GRIA2: variants seen among roughly 807,000 people sequenced by gnomAD.
The protein encoded by GRIA2 is glutamate receptor 2.
Under a neutral mutation model 97.3 loss-of-function variants are expected in GRIA2, and 14 were observed. The ratio of observed to expected loss-of-function variants is 0.14; its 90% CI spans 0.10 to 0.23. The LOEUF (loss-of-function observed/expected upper bound fraction) is 0.23, where lower values mean the gene tolerates loss of function less well. Ranked by LOEUF, GRIA2 falls within the 10% of genes least tolerant of loss-of-function variation. The probability of loss-of-function intolerance (pLI) is 1.00; values close to 1 mark genes in which losing one functional copy is unlikely to be tolerated. For synonymous variants in GRIA2, 412 were observed against 387.8 expected (o/e 1.06, Z -0.73); for missense variants, 558 against 1,069.8 (o/e 0.52, Z 6.67).
intron 12 of GRIA2, among the ~76,000 whole-genome samples, chr4:157,345,689 A>T (rs755265507): frequency 6.6e-6 from 1 of 152,136 alleles, no homozygotes; most frequent in African/African-American, 2.4e-5. Flanking sequence ...CACAATTATT[A>T]ACTTGCAGAT....
intron 2 of GRIA2, among the ~76,000 whole-genome samples, chr4:157,230,490 A>C (rs1729952717): frequency 6.6e-6 from 1 of 151,960 alleles, no homozygotes; most frequent in African/African-American, 2.4e-5. Context: ...ACTCGAAATT[A>C]ATTCATTCCT....
intron 2 of GRIA2, among the ~76,000 whole-genome samples, chr4:157,225,531 G>A (rs1729703269): frequency 6.6e-6 from 1 of 151,840 alleles, no homozygotes; most frequent in African/African-American, 2.4e-5. Flanking sequence ...ACCAGGGATG[G>A]GTCCTAGGAA....
At chr4:157,327,296 T>C (rs1228357639) in intron 6 of GRIA2, among the ~76,000 whole-genome samples, 1 of 152,038 alleles carries the variant, frequency 6.6e-6, no homozygotes, top group Non-Finnish European at 1.5e-5. Context: ...AAGGAAAAAA[T>C]ATAACATTAT....
rs560233394 is a variant in GRIA2, at chr4:157,251,802, A to G, written c.229+29995A>G. Among the ~76,000 whole-genome samples the G allele has an allele frequency of 6.6e-5, 10 of 152,252 alleles. No homozygotes were observed. In the South Asian group the frequency reaches 2.1e-3, roughly 32 times the overall value. The stretch of plus-strand genomic sequence containing the variant: ...AATTCAGTAGAAAATTTGTTCATTC[A>G]GTCATTTTGAGAGTAATACAATTAG... On this transcript the variant is annotated intron_variant, in intron 2 of 15. Transcript: ENST00000264426.
chr4:157,256,233 AAT>A (rs35047857), intron 2 of GRIA2, among the ~76,000 whole-genome samples: 6,556 of 124,498 alleles, frequency 0.053, 593 homozygotes, highest in African/African-American at 0.14. Flanking sequence ...TATAATATAT[AAT>A]ATATATATAT....
At chr4:157,243,890 G>A (rs1269647533) in intron 2 of GRIA2, among the ~76,000 whole-genome samples, 1 of 151,778 alleles carries the variant, frequency 6.6e-6, no homozygotes, top group Non-Finnish European at 1.5e-5. Context: ...GACGCTCATG[G>A]AGCCTATGTT....
chr4:157,241,776 T>C (rs1730522660), intron 2 of GRIA2, among the ~76,000 whole-genome samples: 1 of 152,006 alleles, frequency 6.6e-6, no homozygotes, highest in Admixed American at 6.6e-5. Context: ...TATTAGAAAA[T>C]ACAGCTTTCA....
intron 12 of GRIA2, among the ~76,000 whole-genome samples, chr4:157,352,567 A>G (rs948673658): frequency 2.6e-5 from 4 of 151,848 alleles, no homozygotes; most frequent in Non-Finnish European, 5.9e-5. Flanking sequence ...AATACAAAAA[A>G]TAAATAGCCG....
At chr4:157,274,996 T>C (rs1455512206) in intron 2 of GRIA2, among the ~76,000 whole-genome samples, 2 of 151,310 alleles carry the variant, frequency 1.3e-5, no homozygotes, top group Non-Finnish European at 3.0e-5. Flanking sequence ...AGTGTAAAAG[T>C]GTTCCTATTT....
Position 157,342,257 on chromosome 4 carries a change from C to T in GRIA2, c.2043+795C>T, listed in dbSNP as rs565919464. ...TGAGTTTCAGTGAAATCTAGTCCAG[C>T]TTATTCCGGAATTAGGATTAGGACC... On this transcript the variant is annotated intron_variant, in intron 12 of 15. Transcript: ENST00000264426. 1.2e-4 allele frequency: 121 copies of T among 983,094 alleles called. No homozygotes were observed. In the South Asian group the frequency reaches 5.0e-3, roughly 41 times the overall value. 60.9% of individuals were successfully genotyped at this position (983,094 alleles called of 1,614,324 possible).
At position 157,355,923 on chromosome 4, in the gene GRIA2, T is replaced by TAA. The variant is rs1736290151; in HGVS notation, c.2044-3973_2044-3972insAA. On this transcript the variant is annotated intron_variant, in intron 12 of 15. Coordinates refer to ENST00000264426, the MANE Select transcript of GRIA2 (RefSeq NM_001083619.3). ...TATAAATATATATATATTAATATAT[T>TAA]TATATATATTTATATATTAATATAT... is the stretch of plus-strand genomic sequence containing the variant. Among the ~76,000 whole-genome samples the TAA allele has an allele frequency of 4.5e-5, 3 of 67,092 alleles. 1 individual carries two copies. The highest frequency in any genetic ancestry group is 7.5e-5 in the Non-Finnish European group (3 of 40,002). 44.0% of individuals were successfully genotyped at this position (67,092 alleles called of 152,430 possible).
intron 2 of GRIA2, among the ~76,000 whole-genome samples, chr4:157,300,542 G>A (rs746541012): frequency 3.3e-5 from 5 of 152,054 alleles, no homozygotes; most frequent in East Asian, 1.9e-4. Flanking sequence ...ACTGTTGGCC[G>A]AATGGCTGTT....
At chr4:157,229,417 G>T (rs1368476889) in intron 2 of GRIA2, among the ~76,000 whole-genome samples, 1 of 152,052 alleles carries the variant, frequency 6.6e-6, no homozygotes, top group Non-Finnish European at 1.5e-5. Context: ...GCAAAAACTT[G>T]CCTCAAAAAA....
At chr4:157,301,040 T>TA (rs201756774) in intron 2 of GRIA2, among the ~76,000 whole-genome samples, 1 of 152,228 alleles carries the variant, frequency 6.6e-6, no homozygotes, top group East Asian at 1.9e-4. Flanking sequence ...GTCTCATTAA[T>TA]AAATCATATT....
At chr4:157,260,027 C>G (rs900298365) in intron 2 of GRIA2, among the ~76,000 whole-genome samples, 1 of 152,116 alleles carries the variant, frequency 6.6e-6, no homozygotes, top group Non-Finnish European at 1.5e-5. Context: ...TATGTCATAA[C>G]AGAGTTCATT....
In GRIA2 at chr4:157,362,933, G is replaced by A. The variant is rs1736699165; in HGVS notation, c.2541G>A (p.Lys847=). ...YKSRAEAKRM[K]VAKNAQNINP... ...CAAGGGCCGAGGCGAAACGAATGAAGGTGGCAAAGAATGCACAGAATATTA... is the reference window on the plus strand; with the variant it reads ...CAAGGGCCGAGGCGAAACGAATGAAAGTGGCAAAGAATGCACAGAATATTA... Residue 847 remains lysine, a synonymous_variant, in exon 15 of 16, where the codon AAG becomes AAA. Coordinates refer to ENST00000264426, the MANE Select transcript of GRIA2 (RefSeq NM_001083619.3). The A allele has an allele frequency of 3.1e-6, 5 of 1,613,462 alleles. No homozygotes were observed. Among genetic ancestry groups the A allele is most frequent in the Non-Finnish European group, 4.2e-6 (5 of 1,179,674 alleles).
intron 2 of GRIA2, among the ~76,000 whole-genome samples, chr4:157,281,924 T>C (rs540044614): frequency 6.6e-6 from 1 of 152,222 alleles, no homozygotes; most frequent in South Asian, 2.1e-4. Context: ...CATAAGCATC[T>C]AAAAGATACA....
At chr4:157,355,942 A>AATATATTTATATATAT (rs1560781201) in intron 12 of GRIA2, among the ~76,000 whole-genome samples, 16 of 3,738 alleles carry the variant, frequency 4.3e-3, no homozygotes, top group Admixed American at 0.02. Flanking sequence ...TTTATATATT[A>AATATATTTATATATAT]ATATATATTT....
intron 2 of GRIA2, among the ~76,000 whole-genome samples, chr4:157,275,317 C>T (rs953316159): frequency 6.6e-6 from 1 of 152,130 alleles, no homozygotes; most frequent in Non-Finnish European, 1.5e-5. Context: ...ATTCTGTAGG[C>T]TGCCTGTTCA....
Sources: gnomAD v4.1 joint callset for allele counts (sites outside exome capture counted in the v4.1 genomes callset) on GRCh38, gnomAD v4.1.1 for gene constraint, MANE v1.5 for transcripts, NCBI Gene and HGNC (gene_info 2026-07-23, HGNC 2026-07-21) for gene names.